FNDC3B: variants seen among roughly 807,000 people sequenced by gnomAD.
FNDC3B encodes fibronectin type III domain-containing protein 3B.
FNDC3B carries 12 observed loss-of-function variants against 151.5 expected under a neutral mutation model. The ratio of observed to expected loss-of-function variants is 0.08; its 90% confidence interval spans 0.05 to 0.13. The LOEUF (loss-of-function observed/expected upper bound fraction) is 0.13, where lower values mean the gene tolerates loss of function less well. FNDC3B is among the 10% of genes least tolerant of loss of function. The pLI is 1.00. For missense variants in FNDC3B, 1,214 were observed against 1,505.3 expected (o/e 0.81, Z 3.20); for synonymous variants, 528 against 549.0 (o/e 0.96, Z 0.54).
intron 3 of FNDC3B, among the ~76,000 whole-genome samples, chr3:172,137,518 T>C (rs1192181568): frequency 6.6e-6 from 1 of 152,114 alleles, no homozygotes; most frequent in Non-Finnish European, 1.5e-5. Context: ...TAGTCAGGTG[T>C]GGTGGTGCAT....
chr3:172,054,888 T>G (rs1266586620), intron 1 of FNDC3B, among the ~76,000 whole-genome samples: 1 of 152,186 alleles, frequency 6.6e-6, no homozygotes, highest in Non-Finnish European at 1.5e-5. Context: ...AACTACTTCT[T>G]AAGAGTACAT....
Position 172,309,278 on chromosome 3 carries a change from G to A in FNDC3B, c.1201-1550G>A, listed in dbSNP as rs76634719. 3.7e-3 allele frequency among the ~76,000 whole-genome samples: 564 copies of A among 152,256 alleles called. 2 individuals carry two copies. Among genetic ancestry groups the A allele is most frequent in the Non-Finnish European group, 6.1e-3 (414 of 68,014 alleles). ...AGTCTGTCCTTGAATCCACAAAGAC[G>A]CTGAAAGCACTAAAGATCTGACATC... On this transcript the variant is annotated intron_variant, in intron 10 of 25. Transcript: ENST00000415807.
intron 3 of FNDC3B, among the ~76,000 whole-genome samples, chr3:172,149,809 T>TTTTG: frequency 9.1e-5 from 1 of 10,956 alleles, no homozygotes; most frequent in African/African-American, 3.0e-4. Context: ...GTTGGGTGTT[T>TTTTG]TTTTTTTTTT....
At chr3:172,151,718 C>G (rs1049891967) in intron 3 of FNDC3B, among the ~76,000 whole-genome samples, 1 of 151,950 alleles carries the variant, frequency 6.6e-6, no homozygotes, top group Non-Finnish European at 1.5e-5. Context: ...CTTGAAATAC[C>G]CTAAGTCCTC....
chr3:172,298,966 CT>C (rs1198604228), intron 9 of FNDC3B, among the ~76,000 whole-genome samples, 179 bp downstream of exon 9: 1 of 152,174 alleles, frequency 6.6e-6, no homozygotes, highest in African/African-American at 2.4e-5. Context: ...CACAGAAGCG[CT>C]TCTGTGAACA....
chr3:172,334,428 C>T (rs1732846903), intron 14 of FNDC3B, among the ~76,000 whole-genome samples: 1 of 150,670 alleles, frequency 6.6e-6, no homozygotes, highest in Admixed American at 6.7e-5. Flanking sequence ...TAAAACCCAT[C>T]TTATCATTTT....
intron 1 of FNDC3B, among the ~76,000 whole-genome samples, chr3:172,050,733 G>GTGTGTGTGTGTGTGTGTATA (rs397991660): frequency 4.0e-4 from 55 of 137,924 alleles, no homozygotes; most frequent in African/African-American, 1.4e-3. Flanking sequence ...GTGTGTGTGT[G>GTGTGTGTGTGTGTGTGTATA]TATAGTGTGT....
At chr3:172,319,212 C>T (rs1731962579) in intron 11 of FNDC3B, among the ~76,000 whole-genome samples, 2 of 152,162 alleles carry the variant, frequency 1.3e-5, no homozygotes, top group African/African-American at 4.8e-5. Context: ...AAGAAGACTG[C>T]CTTGGGCCTT....
At chr3:172,375,964 T>C (rs950511807) in intron 23 of FNDC3B, among the ~76,000 whole-genome samples, 3 of 152,202 alleles carry the variant, frequency 2.0e-5, no homozygotes. Context: ...TCATGTCTCC[T>C]CCAGAGTCTT....
intron 11 of FNDC3B, among the ~76,000 whole-genome samples, chr3:172,311,368 C>T (rs1251929598): frequency 6.6e-6 from 1 of 152,116 alleles, no homozygotes; most frequent in East Asian, 1.9e-4. Flanking sequence ...TGTGCGAGTG[C>T]CCTGTGGGTT....
chr3:172,272,910 TGA>T (rs10589611), intron 6 of FNDC3B, among the ~76,000 whole-genome samples: 29,740 of 152,100 alleles, frequency 0.2, 3,003 homozygotes, highest in East Asian at 0.32. Flanking sequence ...CCACAGCTGG[TGA>T]GCAGATGGAA....
chr3:172,107,945 G>A (rs980574247), intron 1 of FNDC3B, among the ~76,000 whole-genome samples: 8 of 152,040 alleles, frequency 5.3e-5, no homozygotes, highest in East Asian at 1.9e-4. Context: ...CGAGGCGGGC[G>A]GATCACAAGG....
intron 3 of FNDC3B, among the ~76,000 whole-genome samples, chr3:172,156,354 G>A (rs1400428028): frequency 1.3e-5 from 2 of 152,184 alleles, no homozygotes; most frequent in Admixed American, 6.5e-5. Context: ...ATCTGGCTCC[G>A]AGTTGCTGTT....
intron 6 of FNDC3B, among the ~76,000 whole-genome samples, chr3:172,252,257 A>C (rs909151482): frequency 1.3e-5 from 2 of 152,266 alleles, no homozygotes; most frequent in Admixed American, 1.3e-4. Context: ...GGCTATTTCT[A>C]TAGGCATAGG....
chr3:172,166,141 A>G (rs941590178), intron 3 of FNDC3B, among the ~76,000 whole-genome samples: 8 of 152,144 alleles, frequency 5.3e-5, no homozygotes, highest in South Asian at 2.1e-4. Context: ...TTTGCTTTAC[A>G]TTGGTGAAAA....
At chr3:172,232,039 C>G (rs1726921267) in intron 4 of FNDC3B, among the ~76,000 whole-genome samples, 1 of 152,038 alleles carries the variant, frequency 6.6e-6, no homozygotes, top group Non-Finnish European at 1.5e-5. Context: ...CATCACCATG[C>G]CTGGCTAATT....
intron 23 of FNDC3B, among the ~76,000 whole-genome samples, chr3:172,367,209 A>G (rs1245281545): frequency 6.6e-6 from 1 of 152,246 alleles, no homozygotes; most frequent in Non-Finnish European, 1.5e-5. Flanking sequence ...CAAGCCTTAA[A>G]GTAGTGCTTC....
intron 17 of FNDC3B, among the ~76,000 whole-genome samples, chr3:172,341,776 C>T (rs1341084414): frequency 6.6e-6 from 1 of 152,200 alleles, no homozygotes; most frequent in Non-Finnish European, 1.5e-5. Flanking sequence ...CTGTAGGCAG[C>T]ATCCATTCTT....
chr3:172,380,524 T>C (rs942861117), intron 24 of FNDC3B, among the ~76,000 whole-genome samples: 5 of 152,188 alleles, frequency 3.3e-5, no homozygotes, highest in Non-Finnish European at 7.4e-5. Flanking sequence ...TGTTTGTACC[T>C]CTCATTTTTA....
Sources: gnomAD v4.1 joint callset for allele counts (sites outside exome capture counted in the v4.1 genomes callset) on GRCh38, gnomAD v4.1.1 for gene constraint, MANE v1.5 for transcripts, NCBI Gene and HGNC (gene_info 2026-07-23, HGNC 2026-07-21) for gene names.